Variants in PRKG1 observed in about 807,000 individuals in gnomAD.
PRKG1 encodes protein kinase cGMP-dependent 1, also known as cGMP-dependent protein kinase 1.
In PRKG1, 35 loss-of-function variants were observed where a neutral mutation model predicts 88.1. The observed-to-expected ratio is 0.40, with a 90% confidence interval of 0.30 to 0.53. The LOEUF (loss-of-function observed/expected upper bound fraction) is 0.53. Among genes scored for constraint, PRKG1 ranks in the 20% least tolerant of loss-of-function variants. PRKG1 has a pLI of 0.59. For synonymous variants in PRKG1, 303 were observed against 292.5 expected (o/e 1.04, Z -0.37); for missense variants, 540 against 839.8 (o/e 0.64, Z 4.41).
intron 8 of PRKG1, among the ~76,000 whole-genome samples, chr10:52,151,088 AC>A (rs1425936824): frequency 6.6e-6 from 1 of 152,158 alleles, no homozygotes; most frequent in Non-Finnish European, 1.5e-5. Context: ...ATTTTTAAAA[AC>A]ATTTCTTTTA....
At chr10:52,212,597 G>C (rs746677985) in intron 9 of PRKG1, among the ~76,000 whole-genome samples, 15 of 151,354 alleles carry the variant, frequency 9.9e-5, no homozygotes, top group African/African-American at 1.9e-4. Flanking sequence ...ATGGCTGTTG[G>C]GGGGAGAGGG....
In PRKG1 at chr10:52,150,188, G is replaced by T. The variant is rs1459933213; in HGVS notation, c.1002-11701G>T. The stretch of plus-strand genomic sequence containing the variant: ...ATAATAATAATAATAATAATAATTT[G>T]ATTGGCCATAAGGGCAGGATTTGAG... On this transcript the variant is annotated intron_variant, in intron 8 of 17. Transcript: ENST00000373980. 3.3e-4 allele frequency among the ~76,000 whole-genome samples: 22 copies of T among 67,166 alleles called. No homozygotes were observed. The South Asian group carries it at 8.7e-3, about 27-fold the overall frequency. 44.1% of individuals were successfully genotyped at this position (67,166 alleles called of 152,430 possible). A position where few individuals can be genotyped will look rare whatever the true frequency, so the allele number is the denominator to read the frequency against.
intron 3 of PRKG1, among the ~76,000 whole-genome samples, chr10:51,588,327 A>C (rs976909555): frequency 4.0e-5 from 6 of 150,492 alleles, no homozygotes; most frequent in Non-Finnish European, 7.4e-5. Flanking sequence ...AAAGCACCTA[A>C]AATCTTTTAT....
chr10:51,599,750 G>A (rs1005844629), intron 3 of PRKG1, among the ~76,000 whole-genome samples: 30 of 152,198 alleles, frequency 2.0e-4, no homozygotes, highest in African/African-American at 7.2e-4. Flanking sequence ...ATGCAAACTT[G>A]TTTCTGTAAA....
intron 4 of PRKG1, among the ~76,000 whole-genome samples, chr10:51,844,078 C>A (rs1840343866): frequency 6.6e-6 from 1 of 151,990 alleles, no homozygotes; most frequent in African/African-American, 2.4e-5. Context: ...ATGAGTTTTT[C>A]TTGTTGTCTA....
intron 2 of PRKG1, among the ~76,000 whole-genome samples, chr10:51,268,724 T>A (rs754840571): frequency 6.6e-6 from 1 of 152,112 alleles, no homozygotes; most frequent in Non-Finnish European, 1.5e-5. Flanking sequence ...TGAGGCGACA[T>A]ACATCCTCCT....
At chr10:51,044,595 G>A (rs1293921034) in intron 1 of PRKG1, among the ~76,000 whole-genome samples, 1 of 151,928 alleles carries the variant, frequency 6.6e-6, no homozygotes, top group South Asian at 2.1e-4. Flanking sequence ...GGAGGAGGGA[G>A]TAGAGGGCAG....
intron 1 of PRKG1, among the ~76,000 whole-genome samples, chr10:51,030,620 G>T (rs1424773542): frequency 2.0e-5 from 3 of 152,172 alleles, no homozygotes; most frequent in Non-Finnish European, 2.9e-5. Context: ...TGGAGGTGGG[G>T]CTTAGTGGGA....
chr10:52,193,724 G>A (rs1415930586), intron 9 of PRKG1, among the ~76,000 whole-genome samples: 1 of 151,968 alleles, frequency 6.6e-6, no homozygotes, highest in East Asian at 1.9e-4. Flanking sequence ...CATATACAAA[G>A]AAAGCAAAAG....
At chr10:51,784,626 A>T in intron 3 of PRKG1, among the ~76,000 whole-genome samples, 1 of 152,104 alleles carries the variant, frequency 6.6e-6, no homozygotes, top group East Asian at 1.9e-4. Context: ...TTATTGGAGC[A>T]ACCCAATTGA....
At chr10:51,734,315 A>C (rs1837208667) in intron 3 of PRKG1, among the ~76,000 whole-genome samples, 1 of 152,184 alleles carries the variant, frequency 6.6e-6, no homozygotes, top group African/African-American at 2.4e-5. Context: ...AGAAGTGAAA[A>C]CATACTACTA....
At chr10:51,182,612 G>C (rs1382340869) in intron 2 of PRKG1, among the ~76,000 whole-genome samples, 1 of 152,178 alleles carries the variant, frequency 6.6e-6, no homozygotes, top group African/African-American at 2.4e-5. Context: ...TTGCCTAGGA[G>C]TGCATGTGTG....
intron 9 of PRKG1, among the ~76,000 whole-genome samples, chr10:52,163,624 G>T (rs564877865): frequency 1.3e-4 from 19 of 151,982 alleles, no homozygotes; most frequent in Non-Finnish European, 2.2e-4. Context: ...AGTTGAGGCC[G>T]CTATCATGCT....
At chr10:51,280,035 T>G (rs559228666) in intron 2 of PRKG1, among the ~76,000 whole-genome samples, 3 of 152,216 alleles carry the variant, frequency 2.0e-5, no homozygotes, top group African/African-American at 4.8e-5. Flanking sequence ...CCATGTTTAG[T>G]GCTTCCTTCA....
chr10:51,800,389 A>G lies in PRKG1; in HGVS notation c.593-4196A>G, dbSNP rs75277040. Among the ~76,000 whole-genome samples, 3 of 152,222 alleles carry G rather than the reference A, an allele frequency of 2.0e-5. No individual in the cohort carries two copies. In the South Asian group the frequency reaches 6.2e-4, roughly 32 times the overall value. On this transcript the variant is annotated intron_variant, in intron 3 of 17. Transcript: ENST00000373980. The stretch of plus-strand genomic sequence containing the variant: ...ATTGTGTAACTCGAAAATGCATTTA[A>G]ACACTCAACCTACCAAACATCATAG...
chr10:51,307,499 A>T (rs1392005724), intron 2 of PRKG1, among the ~76,000 whole-genome samples: 2 of 152,100 alleles, frequency 1.3e-5, no homozygotes, highest in East Asian at 3.9e-4. Flanking sequence ...TGAAAAGTGG[A>T]GTTCTTTTTT....
intron 2 of PRKG1, among the ~76,000 whole-genome samples, chr10:51,336,181 C>T (rs1246039635): frequency 6.6e-6 from 1 of 151,758 alleles, no homozygotes; most frequent in African/African-American, 2.4e-5. Context: ...GGAGAAACCC[C>T]ATCTCTACTA....
chr10:52,025,713 T>A (rs1429940863), intron 5 of PRKG1, among the ~76,000 whole-genome samples: 1 of 151,948 alleles, frequency 6.6e-6, no homozygotes. Flanking sequence ...AGTACCATGC[T>A]GTTTTGGTTA....
At chr10:51,053,472 G>A (rs1054416853) in intron 1 of PRKG1, among the ~76,000 whole-genome samples, 1 of 152,096 alleles carries the variant, frequency 6.6e-6, no homozygotes, top group South Asian at 2.1e-4. Context: ...TTCATCACTA[G>A]GAATGACATT....
Sources: gnomAD v4.1 joint callset for allele counts (sites outside exome capture counted in the v4.1 genomes callset) on GRCh38, gnomAD v4.1.1 for gene constraint, MANE v1.5 for transcripts, NCBI Gene and HGNC (gene_info 2026-07-23, HGNC 2026-07-21) for gene names.